GRTP1: variants seen among roughly 807,000 people sequenced by gnomAD.
GRTP1 encodes the protein growth hormone-regulated TBC protein 1.
A neutral mutation model predicts 38.1 loss-of-function variants in GRTP1; 56 were observed. That is an observed-to-expected ratio of 1.47 (90% confidence interval 1.19 to 1.84). GRTP1 has a LOEUF of 1.84. Ranked by LOEUF, GRTP1 falls within the 40% of genes most tolerant of loss-of-function variation. GRTP1 has a pLI of 0.00. For synonymous variants in GRTP1, 217 were observed against 189.5 expected, an observed-to-expected ratio of 1.14 and a Z score of -1.19; for missense variants, 506 against 453.9, an observed-to-expected ratio of 1.11 and a Z score of -1.04.
In GRTP1 at chr13:113,342,901, A is replaced by G. The variant is rs2043046037; in HGVS notation, c.562+1962T>C. On this transcript the variant is annotated intron_variant, in intron 5 of 7. Transcript: ENST00000375431. The surrounding 1 kb of genome is among the most constrained non-coding windows in gnomAD (Gnocchi z 4.5). The stretch of plus-strand genomic sequence containing the variant: ...GAATATCGGAAGTGACGTCGTACGG[A>G]CTGAAAACGCATCTGTCCATCACAC... 6.6e-6 allele frequency among the ~76,000 whole-genome samples: 1 copy of G among 152,020 alleles called. No homozygotes were observed. Among genetic ancestry groups the G allele is most frequent in the South Asian group, 2.1e-4 (1 of 4,828 alleles).
At chr13:113,326,287 G>A (rs2042767930) in intron 5 of GRTP1, among the ~76,000 whole-genome samples, 196 bp from the exon 6 acceptor site, 2 of 150,808 alleles carry the variant, frequency 1.3e-5, no homozygotes, top group Admixed American at 1.3e-4. Flanking sequence ...CCACAGCCAG[G>A]CCTTTCAGGA....
In GRTP1 at chr13:113,355,597, G is replaced by A. The variant is rs568382474; in HGVS notation, c.182-116C>T. On this transcript the variant is annotated intron_variant, in intron 2 of 7. Transcript: ENST00000375431. Reference sequence around the variant, plus strand: ...CTCTTCTTAAATCAAATATTAAAGAGACCCAGAACTTCGTCCATCTCCACC... The same window carrying A: ...CTCTTCTTAAATCAAATATTAAAGAAACCCAGAACTTCGTCCATCTCCACC... The A allele has an allele frequency of 2.9e-5, 36 of 1,241,838 alleles. No homozygotes were observed. The South Asian group carries it at 6.3e-4, about 22-fold the overall frequency. The allele number at this position is 1,241,838 out of a possible 1,614,324, so 76.9% of individuals were successfully genotyped here.
chr13:113,327,457 C>T (rs550051037), intron 5 of GRTP1, among the ~76,000 whole-genome samples: 4 of 152,164 alleles, frequency 2.6e-5, no homozygotes, highest in Admixed American at 6.5e-5. Context: ...GGATTACAGG[C>T]GTGAGCCACT....
intron 4 of GRTP1, 23 bp downstream of exon 4, chr13:113,350,826 C>T (rs370400315): frequency 3.3e-5 from 51 of 1,544,976 alleles, no homozygotes; most frequent in Admixed American, 2.9e-4. Flanking sequence ...CACCTCATGG[C>T]GTCAGAGGGT....
chr13:113,363,713 G>GC, intron 2 of GRTP1, 49 bp downstream of exon 2: 3 of 1,394,392 alleles, frequency 2.2e-6, no homozygotes, highest in African/African-American at 1.8e-5. Flanking sequence ...GCCCGTCCCA[G>GC]CCCAACCCAC....
chr13:113,348,931 C>G lies in GRTP1; in HGVS notation c.465+1918G>C, dbSNP rs1195818826. The stretch of plus-strand genomic sequence containing the variant: ...GTGGCATTTCCTTAGGGGCCCACAG[C>G]AAGCTAACAGGTGCACATCTCCGCA... On this transcript the variant is annotated intron_variant, in intron 4 of 7. Transcript: ENST00000375431. This position sits in a 1 kb window ranked among gnomAD's most constrained non-coding sequence, Gnocchi z 4.8. 6.6e-6 allele frequency among the ~76,000 whole-genome samples: 1 copy of G among 152,204 alleles called. No individual in the cohort carries two copies. Among genetic ancestry groups the G allele is most frequent in the Non-Finnish European group, 1.5e-5 (1 of 68,040 alleles).
At chr13:113,340,199 T>A (rs2043007160) in intron 5 of GRTP1, among the ~76,000 whole-genome samples, 1 of 151,948 alleles carries the variant, frequency 6.6e-6, no homozygotes, top group South Asian at 2.1e-4. Flanking sequence ...GCCACAGATT[T>A]ATTTTTAAAA....
At chr13:113,324,817 G>T in intron 7 of GRTP1, 1 of 1,241,992 alleles carries the variant, frequency 8.1e-7, no homozygotes, top group Non-Finnish European at 1.0e-6. Flanking sequence ...AAGGCCATCT[G>T]CTTCCATTAG....
intron 2 of GRTP1, among the ~76,000 whole-genome samples, chr13:113,357,003 A>C (rs1007171130): frequency 1.5e-4 from 21 of 140,434 alleles, no homozygotes; most frequent in South Asian, 2.3e-4. Flanking sequence ...AATGCCATCC[A>C]CTGAAAGCCA....
chr13:113,345,021 A>C, intron 4 of GRTP1, 62 bp from the exon 5 acceptor site: 1 of 1,543,296 alleles, frequency 6.5e-7, no homozygotes. Flanking sequence ...TTGATTCTGC[A>C]ATCATTCGGC....
intron 4 of GRTP1, among the ~76,000 whole-genome samples, chr13:113,345,224 C>A (rs2043083417): frequency 6.6e-6 from 1 of 152,244 alleles, no homozygotes; most frequent in Admixed American, 6.5e-5. Flanking sequence ...AAGACTCTTC[C>A]ACTAATGGTA....
At position 113,363,917 on chromosome 13, in the gene GRTP1, A is replaced by C. The variant is rs1383541080; in HGVS notation, c.33-7T>G. The C allele has an allele frequency of 6.2e-7, 1 of 1,607,836 alleles. No homozygotes were observed. Among genetic ancestry groups the C allele is most frequent in the African/African-American group, 1.3e-5 (1 of 74,266 alleles). ...GAATCCGTACGGGTCGATCCTGCAA[A>C]ACCGAGAGAAGGAGGCCGGCGTCCC... On this transcript the variant is annotated splice_polypyrimidine_tract_variant and splice_region_variant and intron_variant, in intron 1 of 7. Transcript: ENST00000375431.
intron 4 of GRTP1, among the ~76,000 whole-genome samples, chr13:113,347,333 CGGG>C (rs2043166515): frequency 1.3e-5 from 1 of 76,856 alleles, no homozygotes; most frequent in East Asian, 2.7e-4. Flanking sequence ...AGAGCAGACC[CGGG>C]AGGACCTCTG....
intron 5 of GRTP1, among the ~76,000 whole-genome samples, chr13:113,329,069 G>T (rs2042818166): frequency 2.0e-5 from 3 of 152,270 alleles, no homozygotes; most frequent in Non-Finnish European, 4.4e-5. Flanking sequence ...CCCGATCCGG[G>T]TGCTCTCCAG....
In GRTP1 at chr13:113,324,346, C is replaced by G. The variant is rs2042727798; in HGVS notation, c.*142G>C. ...TAGAATGACCTGATTTTAAACTGCT[C>G]TTTTAAAAAATTCACAACTAAAGTG... On this transcript the variant is annotated 3_prime_UTR_variant, in exon 8 of 8. Transcript: ENST00000375431. The G allele has an allele frequency of 7.9e-7, 1 of 1,265,844 alleles. No homozygotes were observed. Among genetic ancestry groups the G allele is most frequent in the Admixed American group, 3.8e-5 (1 of 26,076 alleles). The allele number at this position is 1,265,844 out of a possible 1,614,324, so 78.4% of individuals were successfully genotyped here.
chr13:113,353,040 A>G (rs1259235663), intron 3 of GRTP1, among the ~76,000 whole-genome samples: 1 of 149,972 alleles, frequency 6.7e-6, no homozygotes, highest in Admixed American at 6.6e-5. Flanking sequence ...CTGGGTAGGA[A>G]CCCACAGCTG....
rs751487503 is a variant in GRTP1 at position 113,348,954 on chromosome 13, G to T, written c.465+1895C>A. Reference sequence around the variant, plus strand: ...AGCAAGCTAACAGGTGCACATCTCCGCACACACATGTACGTATGTGCCTGT... The same window carrying T: ...AGCAAGCTAACAGGTGCACATCTCCTCACACACATGTACGTATGTGCCTGT... On this transcript the variant is annotated intron_variant, in intron 4 of 7. Coordinates refer to ENST00000375431, the MANE Select transcript of GRTP1 (RefSeq NM_024719.4). The surrounding 1 kb of genome is among the most constrained non-coding windows in gnomAD (Gnocchi z 4.8). Among the ~76,000 whole-genome samples, 1 of 152,164 alleles carries T rather than the reference G, an allele frequency of 6.6e-6. No homozygotes were observed. Among genetic ancestry groups the T allele is most frequent in the Non-Finnish European group, 1.5e-5 (1 of 68,026 alleles).
intron 5 of GRTP1, among the ~76,000 whole-genome samples, chr13:113,329,766 G>A (rs571577565): frequency 3.9e-5 from 6 of 152,282 alleles, no homozygotes; most frequent in Admixed American, 1.3e-4. Context: ...TACCATTTGT[G>A]GGGCTCACCC....
chr13:113,337,746 G>A (rs577230367), intron 5 of GRTP1, among the ~76,000 whole-genome samples: 4 of 152,322 alleles, frequency 2.6e-5, no homozygotes, highest in African/African-American at 7.2e-5. Context: ...CCCAACGGGG[G>A]CGTGGCCCAG....
Sources: gnomAD v4.1 joint callset for allele counts (sites outside exome capture counted in the v4.1 genomes callset) on GRCh38, gnomAD v4.1.1 for gene constraint, Gnocchi (gnomAD v3.1) non-coding constraint, MANE v1.5 for transcripts, NCBI Gene and HGNC (gene_info 2026-07-23, HGNC 2026-07-21) for gene names.